Variants in SHISAL1 observed in about 807,000 individuals in gnomAD.
SHISAL1 encodes shisa like 1, also known as protein shisa-like-1.
Under a neutral mutation model 22.6 loss-of-function variants are expected in SHISAL1, and 9 were observed. The observed-to-expected ratio is 0.40, with a 90% CI of 0.24 to 0.70. The LOEUF (loss-of-function observed/expected upper bound fraction) is 0.70. Ranked by LOEUF, SHISAL1 falls within the 30% of genes least tolerant of loss-of-function variation. The pLI is 0.39. For missense variants in SHISAL1, 246 were observed against 270.6 expected, an observed-to-expected ratio of 0.91 and a Z score of 0.64; for synonymous variants, 119 against 115.4, an observed-to-expected ratio of 1.03 and a Z score of -0.20.
At chr22:44,280,154 C>G (rs1325261260) in intron 4 of SHISAL1, among the ~76,000 whole-genome samples, 1 of 152,180 alleles carries the variant, frequency 6.6e-6, no homozygotes, top group Admixed American at 6.5e-5. Context: ...AGATGTGGGG[C>G]AGAGCACATT....
chr22:44,264,173 G>C (rs1192331504), intron 4 of SHISAL1, among the ~76,000 whole-genome samples: 1 of 152,210 alleles, frequency 6.6e-6, no homozygotes, highest in Non-Finnish European at 1.5e-5. Context: ...CCCAGCACCT[G>C]CCTTGTCAAA....
chr22:44,276,531 A>C (rs1381780611), intron 4 of SHISAL1, among the ~76,000 whole-genome samples: 2 of 128,096 alleles, frequency 1.6e-5, no homozygotes, highest in East Asian at 4.5e-4. Flanking sequence ...GCCAGAGAAG[A>C]TGGACAAGGA....
chr22:44,260,346 G>A (rs539259664), intron 4 of SHISAL1, among the ~76,000 whole-genome samples: 2 of 152,296 alleles, frequency 1.3e-5, no homozygotes, highest in South Asian at 2.1e-4. Context: ...AGCCCATCTC[G>A]AACCTCCGTG....
At chr22:44,293,739 G>C (rs2055368300) in intron 3 of SHISAL1, among the ~76,000 whole-genome samples, 1 of 152,210 alleles carries the variant, frequency 6.6e-6, no homozygotes, top group Non-Finnish European at 1.5e-5. Flanking sequence ...CTGCCAGGTA[G>C]CTGCAGCGGC....
chr22:44,327,648 A>T, the SHISAL1 span, among the ~76,000 whole-genome samples: 2 of 152,062 alleles, frequency 1.3e-5, no homozygotes, highest in Non-Finnish European at 2.9e-5. Context: ...TTAGGGGTCA[A>T]GGAATGTGTA....
intron 4 of SHISAL1, among the ~76,000 whole-genome samples, chr22:44,253,001 A>C (rs1184999664): frequency 1.3e-5 from 2 of 151,736 alleles, no homozygotes; most frequent in African/African-American, 4.9e-5. Context: ...ATCTTAAAAA[A>C]AATAAAAAAA....
At chr22:44,284,730 T>C (rs879651824) in intron 4 of SHISAL1, among the ~76,000 whole-genome samples, 3 of 152,088 alleles carry the variant, frequency 2.0e-5, no homozygotes, top group Non-Finnish European at 2.9e-5. Flanking sequence ...CTTCCAACTC[T>C]AGATGCTGCA....
intron 3 of SHISAL1, among the ~76,000 whole-genome samples, chr22:44,292,905 C>A (rs758030926): frequency 5.3e-5 from 8 of 152,380 alleles, no homozygotes; most frequent in Non-Finnish European, 1.0e-4. Context: ...CTCCTGCAGA[C>A]ACTCTAGGTC....
At chr22:44,321,110 A>G in the SHISAL1 span, among the ~76,000 whole-genome samples, 7 of 152,224 alleles carry the variant, frequency 4.6e-5, no homozygotes, top group Admixed American at 4.6e-4. Context: ...AATGGTAGCA[A>G]TGTCTGCCCC....
rs761428773 is a variant in SHISAL1, at chr22:44,285,459, G to C, written c.568C>G (p.Pro190Ala). The change falls in exon 4 of 5, where the codon CCG becomes GCG. Residue 190 changes from proline (P) to alanine (A), a missense_variant. By Grantham distance (27) the Pro-to-Ala change is conservative (BLOSUM62 -1). Coordinates refer to ENST00000381176, the MANE Select transcript of SHISAL1 (RefSeq NM_001099294.2). ...GACGAACTCTGGAAGGTCATCAGCG[G>C]TGGGCTGTGAGCATCTCCCCGCAAT... ...HTLRGDAHSPPLMTFQSSSA is the reference protein window; with the variant it reads ...HTLRGDAHSPALMTFQSSSA 7.4e-6 allele frequency: 12 copies of C among 1,614,054 alleles called. No individual in the cohort carries two copies. Among genetic ancestry groups the C allele is most frequent in the Admixed American group, 1.7e-5 (1 of 60,024 alleles).
chr22:44,308,300 G>A (rs576720638), intron 1 of SHISAL1, among the ~76,000 whole-genome samples: 13 of 152,304 alleles, frequency 8.5e-5, no homozygotes, highest in South Asian at 2.1e-4. Context: ...AGCCCTAGGC[G>A]GCCCCCAGAG....
At chr22:44,308,940 G>A (rs977585408) in intron 1 of SHISAL1, among the ~76,000 whole-genome samples, 15 of 152,230 alleles carry the variant, frequency 9.9e-5, no homozygotes, top group African/African-American at 3.1e-4. Flanking sequence ...CTTGGGGTGA[G>A]GATGAGTCTT....
chr22:44,259,209 C>T (rs77876960), intron 4 of SHISAL1, among the ~76,000 whole-genome samples: 9,063 of 152,080 alleles, frequency 0.06, 323 homozygotes, highest in East Asian at 0.092. Context: ...TTTGGGAGGC[C>T]GAGGCGGGCG....
chr22:44,254,957 G>A (rs2055074100), intron 4 of SHISAL1, among the ~76,000 whole-genome samples: 1 of 152,056 alleles, frequency 6.6e-6, no homozygotes, highest in African/African-American at 2.4e-5. Flanking sequence ...TAAACCCAGT[G>A]GTCAATTCTC....
At chr22:44,321,536 C>T in the SHISAL1 span, among the ~76,000 whole-genome samples, 10 of 152,222 alleles carry the variant, frequency 6.6e-5, no homozygotes, top group Non-Finnish European at 1.5e-5. Context: ...TTATCTTACA[C>T]AGGGCTAGAG....
At chr22:44,329,008 G>A in the SHISAL1 span, among the ~76,000 whole-genome samples, 2 of 152,190 alleles carry the variant, frequency 1.3e-5, no homozygotes, top group Non-Finnish European at 2.9e-5. Context: ...TCTGGACCAA[G>A]CTCCCCTGGC....
chr22:44,252,752 TG>T (rs1475078168), intron 4 of SHISAL1, among the ~76,000 whole-genome samples: 1 of 151,932 alleles, frequency 6.6e-6, no homozygotes. Context: ...CTCAGCACTC[TG>T]GGAGGCTGAG....
chr22:44,315,318 C>A (rs565826616), upstream of SHISAL1, among the ~76,000 whole-genome samples: 2 of 152,166 alleles, frequency 1.3e-5, no homozygotes, highest in African/African-American at 4.8e-5. Flanking sequence ...ACAGGCCCAC[C>A]CCTCTGGGCA....
At chr22:44,270,620 C>T (rs1163488035) in intron 4 of SHISAL1, among the ~76,000 whole-genome samples, 2 of 152,206 alleles carry the variant, frequency 1.3e-5, no homozygotes, top group East Asian at 1.9e-4. Context: ...GAAGCCAGGC[C>T]CATCCTGCCT....
Sources: allele counts gnomAD v4.1 joint callset (sites outside exome capture counted in the v4.1 genomes callset), GRCh38; gene constraint gnomAD v4.1.1; transcripts MANE v1.5; gene names NCBI Gene and HGNC (gene_info 2026-07-23, HGNC 2026-07-21).